Variants in SAMD7 observed in about 807,000 individuals in gnomAD.
The protein encoded by SAMD7 is sterile alpha motif domain containing 7, also known as sterile alpha motif domain-containing protein 7.
A neutral mutation model predicts 36.7 loss-of-function variants in SAMD7; 34 were observed. The observed-to-expected ratio is 0.93, with a 90% CI of 0.71 to 1.23. The LOEUF is 1.23. SAMD7 is among the 50% of genes most tolerant of loss of function. The pLI, the probability that SAMD7 is intolerant of heterozygous loss-of-function variation, is 0.00. For synonymous variants in SAMD7, 188 were observed against 189.7 expected, an observed-to-expected ratio of 0.99 and a Z score of 0.07; for missense variants, 570 against 546.6, an observed-to-expected ratio of 1.04 and a Z score of -0.43.
chr3:169,937,600 A>T (rs1439792980), intron 8 of SAMD7, among the ~76,000 whole-genome samples: 2 of 152,044 alleles, frequency 1.3e-5, no homozygotes, highest in Non-Finnish European at 2.9e-5. Context: ...GTTCCTTTTT[A>T]TGGCTGCATA....
At chr3:169,932,524 G>C (rs2108264957) in intron 7 of SAMD7, 2 of 557,846 alleles carry the variant, frequency 3.6e-6, no homozygotes, top group Non-Finnish European at 3.5e-6. Flanking sequence ...TTCATCTTCA[G>C]ACAGAGATCA....
At chr3:169,916,203 G>A (rs934657722) in intron 2 of SAMD7, among the ~76,000 whole-genome samples, 1 of 152,198 alleles carries the variant, frequency 6.6e-6, no homozygotes, top group African/African-American at 2.4e-5. Context: ...CTTCTTCTCT[G>A]AGGTGTCTAA....
At position 169,936,356 on chromosome 3, in the gene SAMD7, A is replaced by C; in HGVS notation, c.1059A>C (p.Ala353=). The C allele has an allele frequency of 6.2e-7, 1 of 1,607,650 alleles. No homozygotes were observed. The highest frequency in any genetic ancestry group is 8.5e-7 in the Non-Finnish European group (1 of 1,174,312). ...SDYAQVFKDH[A]IDGETLPLLT... ...TTATGAAGGTATTTAAAGATCATGC[A>C]ATTGATGGAGAAACTTTGCCATTAC... is the stretch of plus-strand genomic sequence containing the variant. Residue 353 remains alanine (A), a synonymous_variant, in exon 8 of 9, where the codon GCA becomes GCC. Coordinates refer to ENST00000335556, the MANE Select transcript of SAMD7 (RefSeq NM_001304366.2).
chr3:169,936,414 T>C lies in SAMD7; in HGVS notation c.1117T>C (p.Leu373=), dbSNP rs752938550. Residue 373 remains leucine, a synonymous_variant, in exon 8 of 9, where the codon TTA becomes CTA. Transcript: ENST00000335556. ...TEEHLRGTMG[L]KLGPALKIQS... ...AGAGCATCTTCGAGGCACTATGGGA[T>C]TAAAGCTAGGGCCGGCACTAAAAAT... The C allele has an allele frequency of 4.3e-6, 7 of 1,613,290 alleles. No individual in the cohort carries two copies. In the African/African-American group the frequency reaches 9.3e-5, roughly 22 times the overall value.
rs761491511 is a variant in SAMD7 at position 169,936,388 on chromosome 3, A to G, written c.1091A>G (p.Glu364Gly). 4 of 1,613,812 alleles carry G rather than the reference A, an allele frequency of 2.5e-6. No homozygotes were observed. Among genetic ancestry groups the G allele is most frequent in the Middle Eastern group, 3.3e-4 (2 of 6,060 alleles). Reference sequence around the variant, plus strand: ...GGAGAAACTTTGCCATTACTCACAGAAGAGCATCTTCGAGGCACTATGGGA... The same window carrying G: ...GGAGAAACTTTGCCATTACTCACAGGAGAGCATCTTCGAGGCACTATGGGA... Reference protein sequence around the residue: ...IDGETLPLLTEEHLRGTMGLK... With the variant: ...IDGETLPLLTGEHLRGTMGLK... Residue 364 changes from glutamate to glycine, a missense_variant, in exon 8 of 9, where the codon GAA becomes GGA. Coordinates refer to ENST00000335556, the MANE Select transcript of SAMD7 (RefSeq NM_001304366.2).
intron 4 of SAMD7, among the ~76,000 whole-genome samples, chr3:169,923,204 T>G (rs1713123071): frequency 6.6e-6 from 1 of 152,098 alleles, no homozygotes; most frequent in Non-Finnish European, 1.5e-5. Context: ...CACGCCTGGG[T>G]CAGGGAAGAG....
chr3:169,922,419 G>A (rs998823314), intron 4 of SAMD7, among the ~76,000 whole-genome samples: 13 of 152,174 alleles, frequency 8.5e-5, no homozygotes, highest in Non-Finnish European at 1.5e-4. Flanking sequence ...TGGTGGCCTG[G>A]AGGCCACAGG....
Position 169,926,573 on chromosome 3 carries a change from C to T in SAMD7, c.311C>T (p.Ala104Val). 1.9e-6 allele frequency: 3 copies of T among 1,610,152 alleles called. No individual in the cohort carries two copies. The highest frequency in any genetic ancestry group is 2.5e-6 in the Non-Finnish European group (3 of 1,177,628). Residue 104 changes from alanine (A) to valine (V), a missense_variant, in exon 6 of 9, where the codon GCT (alanine) becomes GTT (valine). Transcript: ENST00000335556. ...TTTAGGACAGAAATGGAAATGTATG[C>T]TATTTACCAGCAAAGGAGAATGGAA... ...HTARTEMEMYAIYQQRRMEKI... is the reference protein window; with the variant it reads ...HTARTEMEMYVIYQQRRMEKI...
rs201685566 is a variant in SAMD7 at position 169,921,292 on chromosome 3, A to T, written c.165A>T (p.Leu55=). The part of the protein sequence containing the change: ...CVPSQFGSSV[L]PNTNMANVLS... ...CTTCCCAATTTGGATCCTCTGTTCT[A>T]CCAAACACAAATATGGCAAATGTGT... The change falls in exon 4 of 9, where the codon CTA becomes CTT. Residue 55 remains leucine, a synonymous_variant. Transcript: ENST00000335556. The T allele has an allele frequency of 5.0e-6, 8 of 1,614,024 alleles. No homozygotes were observed. The East Asian group carries it at 1.8e-4, about 36-fold the overall frequency.
intron 7 of SAMD7, among the ~76,000 whole-genome samples, chr3:169,934,600 C>G (rs1008454032): frequency 6.6e-6 from 1 of 152,208 alleles, no homozygotes; most frequent in African/African-American, 2.4e-5. Flanking sequence ...GGGACAGAAT[C>G]TGTGCTTTTG....
intron 8 of SAMD7, among the ~76,000 whole-genome samples, chr3:169,937,836 G>C (rs948777089): frequency 6.6e-6 from 1 of 152,074 alleles, no homozygotes; most frequent in Non-Finnish European, 1.5e-5. Flanking sequence ...ATCATGCATT[G>C]GCCTTCTAAC....
At chr3:169,933,792 T>C (rs1713610675) in intron 7 of SAMD7, among the ~76,000 whole-genome samples, 1 of 152,204 alleles carries the variant, frequency 6.6e-6, no homozygotes, top group Non-Finnish European at 1.5e-5. Flanking sequence ...ATGGCACTCA[T>C]AGTCCAGAAG....
rs777187172 is a variant in SAMD7 at position 169,927,200 on chromosome 3, A to C, written c.919+19A>C. On this transcript the variant is annotated intron_variant, in intron 6 of 8. Transcript: ENST00000335556. ...CTGCCAGGTGGGTGTCCAGGGGCCA[A>C]TGGCAGATCCTCATTAACTACAGGT... 4.0e-6 allele frequency: 6 copies of C among 1,512,634 alleles called. No individual in the cohort carries two copies. In the East Asian group the frequency reaches 1.1e-4, roughly 29 times the overall value. 93.7% of individuals were successfully genotyped at this position (1,512,634 alleles called of 1,614,324 possible).
At chr3:169,914,716 C>G (rs1712728617) in intron 1 of SAMD7, among the ~76,000 whole-genome samples, 1 of 152,032 alleles carries the variant, frequency 6.6e-6, no homozygotes, top group African/African-American at 2.4e-5. Flanking sequence ...TCCCATTGGC[C>G]AAATAGCACT....
At chr3:169,912,436 T>C (rs1425163742) in intron 1 of SAMD7, among the ~76,000 whole-genome samples, 2 of 152,244 alleles carry the variant, frequency 1.3e-5, no homozygotes, top group East Asian at 3.8e-4. Flanking sequence ...AGAATTTCAC[T>C]TTAGTCTCTA....
In SAMD7 at chr3:169,930,660, C is replaced by T. The variant is rs138219969; in HGVS notation, c.1041+2082C>T. The stretch of plus-strand genomic sequence containing the variant: ...GCAGTGGCATCATCTCTGCTCACCA[C>T]AACCTCCGCCTCCTGGGTTCAAGCG... On this transcript the variant is annotated intron_variant, in intron 7 of 8. Coordinates refer to ENST00000335556, the MANE Select transcript of SAMD7 (RefSeq NM_001304366.2). Among the ~76,000 whole-genome samples, 764 of 149,326 alleles carry T rather than the reference C, an allele frequency of 5.1e-3. 4 individuals carry two copies. Among genetic ancestry groups the T allele is most frequent in the African/African-American group, 0.017 (706 of 40,428 alleles).
chr3:169,925,177 A>G (rs1713206703), intron 5 of SAMD7, 41 bp downstream of exon 5: 1 of 1,321,278 alleles, frequency 7.6e-7, no homozygotes, highest in African/African-American at 1.5e-5. Context: ...CTATTCATTC[A>G]CTTGCTCATT....
chr3:169,919,528 A>C lies in SAMD7; in HGVS notation c.30A>C (p.Thr10=). 6.2e-7 allele frequency: 1 copy of C among 1,614,224 alleles called. No individual in the cohort carries two copies. The highest frequency in any genetic ancestry group is 2.2e-5 in the East Asian group (1 of 44,892). ...CTGTGAACCCTTTATTGACACCAAC[A>C]GGGCAGCAGACAATCCCACTGATCC... MAVNPLLTP[T]GQQTIPLIPS... is the part of the protein sequence containing the mutation. Residue 10 remains threonine (T), a synonymous_variant, in exon 3 of 9, where the codon ACA becomes ACC. Transcript: ENST00000335556.
chr3:169,920,078 G>A (rs1027306761), intron 3 of SAMD7, among the ~76,000 whole-genome samples: 4 of 152,228 alleles, frequency 2.6e-5, no homozygotes, highest in Admixed American at 1.3e-4. Flanking sequence ...GGAGGCTGAG[G>A]CGGGAGAATC....
Sources: allele counts gnomAD v4.1 joint callset (sites outside exome capture counted in the v4.1 genomes callset), GRCh38; gene constraint gnomAD v4.1.1; transcripts MANE v1.5; gene names NCBI Gene and HGNC (gene_info 2026-07-23, HGNC 2026-07-21).